HIGD1C: variants seen among roughly 807,000 people sequenced by gnomAD.
HIGD1C encodes HIG1 hypoxia inducible domain family member 1C.
A neutral mutation model predicts 13.1 loss-of-function variants in HIGD1C; 11 were observed. That is an observed-to-expected ratio of 0.84 (90% confidence interval 0.53 to 1.39). HIGD1C has a LOEUF of 1.39. Among genes scored for constraint, HIGD1C ranks in the 40% most tolerant of loss-of-function variants. HIGD1C has a pLI of 0.00. For synonymous variants in HIGD1C, 36 were observed against 37.7 expected (o/e 0.95, Z 0.17); for missense variants, 110 against 112.0 (o/e 0.98, Z 0.08).
At chr12:50,958,528 G>A (rs900405220) in intron 1 of HIGD1C, among the ~76,000 whole-genome samples, 23 of 151,416 alleles carry the variant, frequency 1.5e-4, no homozygotes, top group African/African-American at 5.3e-4. Context: ...TGATCCGCCC[G>A]CCTCGGCCTC....
At chr12:50,932,107 G>T in the HIGD1C span, 1 of 152,054 alleles carries the variant, frequency 6.6e-6, no homozygotes, top group Non-Finnish European at 1.5e-5. Flanking sequence ...AAGGTTCTTG[G>T]GTTCATTTTC....
chr12:50,957,878 C>T (rs533201156), intron 1 of HIGD1C, among the ~76,000 whole-genome samples: 1 of 149,416 alleles, frequency 6.7e-6, no homozygotes, highest in African/African-American at 2.5e-5. Context: ...AGAGTGAGAC[C>T]CTGTCTGAAG....
Position 50,970,485 on chromosome 12 carries a change from CT to C in HIGD1C, c.275del (p.Phe92SerfsTer?). 6.5e-7 allele frequency: 1 copy of C among 1,534,278 alleles called. No individual in the cohort carries two copies. Among genetic ancestry groups the C allele is most frequent in the Non-Finnish European group, 8.8e-7 (1 of 1,131,692 alleles). ...ATAAGGATTACATTAGACCACGATT[CT>C]TCAGTGAGTCCAAAAAATGAAGCTT... On this transcript the variant is annotated frameshift_variant, in exon 3 of 3. Transcript: ENST00000398455. LOFTEE classifies it high-confidence loss of function.
upstream of HIGD1C, among the ~76,000 whole-genome samples, chr12:50,951,960 CAGACAA>C (rs1938913257): frequency 6.9e-6 from 1 of 145,030 alleles, no homozygotes; most frequent in Admixed American, 7.0e-5. Flanking sequence ...AAGGTCAAGA[CAGACAA>C]AGATGATTAG....
intron 1 of HIGD1C, chr12:50,954,314 A>C: frequency 6.8e-6 from 3 of 438,730 alleles, no homozygotes; most frequent in Admixed American, 3.9e-5. Flanking sequence ...ATTCTATTTT[A>C]TCCATTTCAT....
chr12:50,939,465 T>C, the HIGD1C span, among the ~76,000 whole-genome samples: 2 of 152,158 alleles, frequency 1.3e-5, no homozygotes, highest in Non-Finnish European at 2.9e-5. Context: ...ACAGTTTAAT[T>C]TGGCTATTCT....
chr12:50,963,725 G>A (rs745312834), intron 2 of HIGD1C, among the ~76,000 whole-genome samples: 2 of 152,134 alleles, frequency 1.3e-5, no homozygotes, highest in Non-Finnish European at 2.9e-5. Context: ...AGAAGAATTC[G>A]ACTGCTGCAT....
chr12:50,964,031 C>G (rs1363819063), intron 2 of HIGD1C, among the ~76,000 whole-genome samples: 2 of 152,196 alleles, frequency 1.3e-5, no homozygotes, highest in African/African-American at 4.8e-5. Context: ...GATGATTCCT[C>G]TTTGAGCTGA....
upstream of HIGD1C, among the ~76,000 whole-genome samples, chr12:50,951,171 A>G (rs1592244767): frequency 6.6e-6 from 1 of 152,186 alleles, no homozygotes; most frequent in Non-Finnish European, 1.5e-5. Flanking sequence ...GGAGAAAAAA[A>G]AGTAACCACA....
chr12:50,941,671 T>C, the HIGD1C span, among the ~76,000 whole-genome samples: 1 of 152,108 alleles, frequency 6.6e-6, no homozygotes, highest in African/African-American at 2.4e-5. Flanking sequence ...GCACCACATA[T>C]GAAATTTTAA....
chr12:50,950,670 ATTTTTTT>A (rs57553489), upstream of HIGD1C, among the ~76,000 whole-genome samples: 5 of 87,684 alleles, frequency 5.7e-5, no homozygotes, highest in East Asian at 2.9e-4. Context: ...TGCCCAGCTA[ATTTTTTT>A]TTTTTTTTTT....
At chr12:50,931,546 CA>C in the HIGD1C span, 441 of 125,288 alleles carry the variant, frequency 3.5e-3, no homozygotes, top group African/African-American at 4.5e-3. Flanking sequence ...ACTAAAGATA[CA>C]AAAAAAAAAA....
intron 2 of HIGD1C, among the ~76,000 whole-genome samples, chr12:50,968,168 T>C (rs1460902855): frequency 6.6e-6 from 1 of 152,022 alleles, no homozygotes; most frequent in East Asian, 1.9e-4. Context: ...TACAGAGATA[T>C]GACCTTAAAA....
the HIGD1C span, among the ~76,000 whole-genome samples, chr12:50,942,223 T>C: frequency 0.14 from 21,132 of 152,218 alleles, 1,976 homozygotes; most frequent in East Asian, 0.42. Context: ...AGCCAATTTC[T>C]GAGTGAGGGG....
At chr12:50,946,249 G>C in the HIGD1C span, among the ~76,000 whole-genome samples, 1 of 152,150 alleles carries the variant, frequency 6.6e-6, no homozygotes, top group South Asian at 2.1e-4. Flanking sequence ...TTAAACTAAA[G>C]AGCTTCTGCA....
intron 1 of HIGD1C, among the ~76,000 whole-genome samples, chr12:50,956,856 A>C (rs972646824): frequency 3.9e-5 from 6 of 152,164 alleles, no homozygotes; most frequent in African/African-American, 1.4e-4. Context: ...TAGAATTTCC[A>C]GAGCAGGAAG....
intron 2 of HIGD1C, among the ~76,000 whole-genome samples, chr12:50,966,831 T>C (rs962398165): frequency 6.6e-6 from 1 of 152,092 alleles, no homozygotes; most frequent in Non-Finnish European, 1.5e-5. Context: ...CTTTGTGAGG[T>C]TGGGGATTGA....
At chr12:50,934,244 T>C in the HIGD1C span, among the ~76,000 whole-genome samples, 1 of 152,246 alleles carries the variant, frequency 6.6e-6, no homozygotes, top group Non-Finnish European at 1.5e-5. Flanking sequence ...TTCAGTGGGA[T>C]AACTGCTTGC....
chr12:50,971,995 T>C (rs1466101803), downstream of HIGD1C, among the ~76,000 whole-genome samples: 1 of 152,236 alleles, frequency 6.6e-6, no homozygotes, highest in Non-Finnish European at 1.5e-5. Context: ...CAAGTACATA[T>C]TTTGGTCAAC....
Sources: allele counts gnomAD v4.1 joint callset (sites outside exome capture counted in the v4.1 genomes callset), GRCh38; gene constraint gnomAD v4.1.1; transcripts MANE v1.5; gene names NCBI Gene and HGNC (gene_info 2026-07-23, HGNC 2026-07-21).